The following XIRP2 variants were observed in gnomAD, a reference collection of about 807,000 sequenced individuals.
XIRP2 encodes xin actin binding repeat containing 2.
In XIRP2, 236 loss-of-function variants were observed where a neutral mutation model predicts 277.0. The ratio of observed to expected loss-of-function variants is 0.85; its 90% CI spans 0.77 to 0.95. XIRP2 has a LOEUF of 0.95. XIRP2 is among the 40% of genes least tolerant of loss of function. The pLI is 0.00. For missense variants in XIRP2, 4,640 were observed against 4,157.5 expected (o/e 1.12, Z -3.19); for synonymous variants, 1,490 against 1,416.5 (o/e 1.05, Z -1.17).
chr2:167,087,164 C>A (rs1689978229), intron 2 of XIRP2, among the ~76,000 whole-genome samples: 2 of 152,120 alleles, frequency 1.3e-5, no homozygotes, highest in Admixed American at 1.3e-4. Flanking sequence ...TTCTAACAGA[C>A]AGGACCCTCA....
chr2:167,007,688 C>T (rs1040385952), intron 2 of XIRP2, among the ~76,000 whole-genome samples: 3 of 110,950 alleles, frequency 2.7e-5, no homozygotes, highest in African/African-American at 4.6e-5. Context: ...CACTCTCTCT[C>T]TCTCTCTCTC....
chr2:167,040,393 A>C (rs1429181412), intron 2 of XIRP2, among the ~76,000 whole-genome samples: 1 of 152,054 alleles, frequency 6.6e-6, no homozygotes, highest in African/African-American at 2.4e-5. Context: ...TCCTTACCCC[A>C]AGTAGATCCT....
Position 167,220,104 on chromosome 2 carries a change from A to G in XIRP2, c.858+1804A>G, listed in dbSNP as rs1176020661. Among the ~76,000 whole-genome samples, 9 of 152,308 alleles carry G rather than the reference A, an allele frequency of 5.9e-5. No individual in the cohort carries two copies. In the East Asian group the frequency reaches 1.7e-3, roughly 29 times the overall value. On this transcript the variant is annotated intron_variant, in intron 5 of 10. Transcript: ENST00000409195. ...GACACTATCTTGCTAACAGCTTGAA[A>G]TCAGCCATAGTGAGAATATTTACAC...
intron 2 of XIRP2, among the ~76,000 whole-genome samples, chr2:167,030,719 A>G (rs1688320435): frequency 6.6e-6 from 1 of 152,138 alleles, no homozygotes; most frequent in Admixed American, 6.6e-5. Flanking sequence ...GCAGATGTCT[A>G]TTGGGTCCGC....
At chr2:167,011,313 G>T (rs1412340351) in intron 2 of XIRP2, among the ~76,000 whole-genome samples, 2 of 151,642 alleles carry the variant, frequency 1.3e-5, no homozygotes, top group African/African-American at 4.9e-5. Flanking sequence ...GGCCTTTTCT[G>T]CATCTATTGA....
intron 2 of XIRP2, among the ~76,000 whole-genome samples, chr2:166,910,033 T>G (rs912466637): frequency 3.9e-5 from 6 of 152,228 alleles, no homozygotes; most frequent in Non-Finnish European, 4.4e-5. Flanking sequence ...ACTGAGGATT[T>G]AGGCATCAAT....
intron 3 of XIRP2, among the ~76,000 whole-genome samples, chr2:167,195,056 G>C (rs937469374): frequency 6.6e-6 from 1 of 152,136 alleles, no homozygotes; most frequent in Non-Finnish European, 1.5e-5. Flanking sequence ...CCGTTTAAGA[G>C]AGAAACTGGT....
intron 5 of XIRP2, among the ~76,000 whole-genome samples, chr2:167,229,952 G>C (rs1694705601): frequency 6.6e-6 from 1 of 151,940 alleles, no homozygotes; most frequent in Non-Finnish European, 1.5e-5. Context: ...TATCTACTTA[G>C]GCATGGAAAG....
intron 3 of XIRP2, among the ~76,000 whole-genome samples, chr2:167,166,503 T>C (rs1381125614): frequency 6.6e-6 from 1 of 152,186 alleles, no homozygotes; most frequent in Non-Finnish European, 1.5e-5. Flanking sequence ...CATCTGTTTT[T>C]GCGTTGCTAT....
chr2:167,201,249 A>AAG lies in XIRP2; in HGVS notation c.563-9486_563-9485insAG, dbSNP rs1559018365. 7.7e-3 allele frequency among the ~76,000 whole-genome samples: 768 copies of AAG among 99,556 alleles called. 24 individuals are homozygous for AAG. The highest frequency in any genetic ancestry group is 0.031 in the African/African-American group (489 of 15,622). The allele number at this position is 99,556 out of a possible 152,430, so 65.3% of individuals were successfully genotyped here. A position where few individuals can be genotyped will look rare whatever the true frequency, so the allele number is the denominator to read the frequency against. On this transcript the variant is annotated intron_variant, in intron 3 of 10. Coordinates refer to ENST00000409195, the MANE Select transcript of XIRP2 (RefSeq NM_152381.6). ...AAGAAAGAAAGAAAGAAAGAAAGAA[A>AAG]GAAAGAAAGAAAGAGAGAGGGAGAA...
rs757090024 is a variant in XIRP2 at position 167,258,611 on chromosome 2, A to G, written c.*794A>G. On this transcript the variant is annotated 3_prime_UTR_variant, in exon 11 of 11. Coordinates refer to ENST00000409195, the MANE Select transcript of XIRP2 (RefSeq NM_152381.6). ...TAATGGTGCAGAAGTTTTACAGGTT[A>G]CTAACACTGATGATGAGATGATGCC... 6.2e-7 allele frequency: 1 copy of G among 1,613,160 alleles called. No individual in the cohort carries two copies. Among genetic ancestry groups the G allele is most frequent in the South Asian group, 1.1e-5 (1 of 91,034 alleles).
chr2:167,087,544 G>A (rs377725692), intron 2 of XIRP2, among the ~76,000 whole-genome samples: 1 of 152,150 alleles, frequency 6.6e-6, no homozygotes, highest in Non-Finnish European at 1.5e-5. Context: ...ACCCTGCCTC[G>A]CTGCCGCCTT....
chr2:167,091,023 A>G lies in XIRP2; in HGVS notation c.409-44886A>G, dbSNP rs73015906. On this transcript the variant is annotated intron_variant, in intron 2 of 10. Coordinates refer to ENST00000409195, the MANE Select transcript of XIRP2 (RefSeq NM_152381.6). The stretch of plus-strand genomic sequence containing the variant: ...CTTCAATATACAGAAAGAAAATAAA[A>G]TGTAATCCCTAGAGAGCATTCTATT... Among the ~76,000 whole-genome samples the G allele has an allele frequency of 7.9e-3, 1,205 of 152,240 alleles. 27 individuals carry two copies. Among genetic ancestry groups the G allele is most frequent in the African/African-American group, 0.028 (1,163 of 41,518 alleles).
chr2:166,975,795 G>A lies in XIRP2; in HGVS notation c.408+71905G>A, dbSNP rs28595209. On this transcript the variant is annotated intron_variant, in intron 2 of 10. Transcript: ENST00000409195. ...AAAAAAATTAGCCGGGCGTGGTGGC[G>A]GGCACCTGTAGTCCCAGCTACTCGG... Among the ~76,000 whole-genome samples the A allele has an allele frequency of 3.8e-3, 571 of 151,576 alleles. 4 individuals are homozygous for A. Among genetic ancestry groups the A allele is most frequent in the African/African-American group, 0.01 (422 of 41,364 alleles).
At chr2:167,184,600 A>T (rs193096710) in intron 3 of XIRP2, 82 of 717,474 alleles carry the variant, frequency 1.1e-4, no homozygotes, top group Non-Finnish European at 4.2e-5. Context: ...CAAAATTGAC[A>T]AAGACCCCCA....
At chr2:166,980,830 A>C (rs1285215708) in intron 2 of XIRP2, among the ~76,000 whole-genome samples, 1 of 151,520 alleles carries the variant, frequency 6.6e-6, no homozygotes. Flanking sequence ...TCTTTTTCCT[A>C]TTCTGCCTTC....
At chr2:167,111,613 G>A (rs1198209855) in intron 2 of XIRP2, among the ~76,000 whole-genome samples, 1 of 151,776 alleles carries the variant, frequency 6.6e-6, no homozygotes, top group African/African-American at 2.4e-5. Context: ...GTTCATCAAG[G>A]TTACTGGCTG....
At chr2:167,096,246 G>A (rs547111568) in intron 2 of XIRP2, among the ~76,000 whole-genome samples, 4 of 152,030 alleles carry the variant, frequency 2.6e-5, no homozygotes, top group Admixed American at 6.6e-5. Flanking sequence ...GGTCTATTCA[G>A]GGATTTGACT....
intron 2 of XIRP2, among the ~76,000 whole-genome samples, chr2:167,095,454 C>T (rs533047271): frequency 6.6e-6 from 1 of 152,190 alleles, no homozygotes; most frequent in South Asian, 2.1e-4. Flanking sequence ...GTGGGTTTGT[C>T]CTAAATAGCT....
Sources: allele counts gnomAD v4.1 joint callset (sites outside exome capture counted in the v4.1 genomes callset), GRCh38; gene constraint gnomAD v4.1.1; transcripts MANE v1.5; gene names NCBI Gene and HGNC (gene_info 2026-07-23, HGNC 2026-07-21).